Variants in LRP1 observed in about 807,000 individuals in gnomAD.
The protein encoded by LRP1 is prolow-density lipoprotein receptor-related protein 1.
LRP1 carries 51 observed loss-of-function variants against 541.5 expected under a neutral mutation model. That is an observed-to-expected ratio of 0.09 (90% CI 0.08 to 0.12). The LOEUF (loss-of-function observed/expected upper bound fraction) is 0.12. LRP1 is among the 10% of genes least tolerant of loss of function. The pLI is 1.00. For missense variants in LRP1, 3,878 were observed against 6,376.2 expected (o/e 0.61, Z 13.34); for synonymous variants, 2,219 against 2,470.8 (o/e 0.90, Z 3.02).
chr12:57,167,962 C>G (rs545836551), intron 19 of LRP1, among the ~76,000 whole-genome samples: 1 of 152,244 alleles, frequency 6.6e-6, no homozygotes, highest in Non-Finnish European at 1.5e-5. Flanking sequence ...TGATGTCAGC[C>G]TTGAGCCACC....
intron 1 of LRP1, among the ~76,000 whole-genome samples, chr12:57,134,765 C>T (rs773850977): frequency 6.6e-5 from 10 of 151,966 alleles, no homozygotes; most frequent in Non-Finnish European, 1.3e-4. Context: ...AGTGCAGTGG[C>T]GCGATCTCAG....
At chr12:57,157,027 G>C (rs1458553036) in intron 10 of LRP1, 107 bp downstream of exon 10, 36 of 1,359,294 alleles carry the variant, frequency 2.6e-5, no homozygotes, top group Non-Finnish European at 3.2e-5. Flanking sequence ...GGAGATGAAG[G>C]AAGTGTCCCA....
At position 57,183,489 on chromosome 12, in the gene LRP1, G is replaced by C. The variant is rs746110783; in HGVS notation, c.5773G>C (p.Val1925Leu). The change falls in exon 35 of 89, where the codon GTC becomes CTC. Residue 1925 changes from valine (V) to leucine (L), a missense_variant. Val to Leu is a conservative substitution (Grantham distance 32). This residue lies in a region of LRP1 where 394 missense variants were observed against 635.9 expected (regional missense o/e 0.62). Coordinates refer to ENST00000243077, the MANE Select transcript of LRP1 (RefSeq NM_002332.3). This position sits in a 1 kb window ranked among gnomAD's most constrained non-coding sequence, Gnocchi z 6.1. ...LVPVSGTSLA[V>L]GIDFHAENDT... ...CCCAGTGTCCGGGACCTCGCTGGCTGTCGGCATCGACTTCCACGCTGGTGA... is the reference window on the plus strand; with the variant it reads ...CCCAGTGTCCGGGACCTCGCTGGCTCTCGGCATCGACTTCCACGCTGGTGA... The C allele has an allele frequency of 6.2e-7, 1 of 1,613,948 alleles. No individual in the cohort carries two copies. Among genetic ancestry groups the C allele is most frequent in the Admixed American group, 1.7e-5 (1 of 60,018 alleles).
rs1565752686 is a variant in LRP1, at chr12:57,203,168, CT to C, written c.10712-12del. On this transcript the variant is annotated splice_polypyrimidine_tract_variant and intron_variant, in intron 68 of 88. Coordinates refer to ENST00000243077, the MANE Select transcript of LRP1 (RefSeq NM_002332.3). ...CCCACCCTCCTGGGCCTGTCTCCCC[CT>C]GTCCTTCCCAGCCCCTCGGCCCTGC... is the stretch of plus-strand genomic sequence containing the variant. 3.9e-6 allele frequency: 6 copies of C among 1,555,634 alleles called. No individual in the cohort carries two copies. In the Admixed American group the frequency reaches 7.5e-5, roughly 19 times the overall value.
chr12:57,198,818 C>G (rs2036589108), intron 60 of LRP1, 148 bp downstream of exon 60: 30 of 830,594 alleles, frequency 3.6e-5, no homozygotes, highest in Non-Finnish European at 5.7e-5. Flanking sequence ...GTGTGGGGTT[C>G]AGAGCACCCC....
Position 57,212,077 on chromosome 12 carries a change from C to G in LRP1, c.13350-40C>G, listed in dbSNP as rs779994729. 2.3e-5 allele frequency: 37 copies of G among 1,613,048 alleles called. No homozygotes were observed. The East Asian group carries it at 2.7e-4, about 12-fold the overall frequency. ...TATTTTGCCATCCTAGCCTTCCCCC[C>G]CAATAATCTCTGTCTCCTTATACTC... On this transcript the variant is annotated intron_variant, in intron 87 of 88. Coordinates refer to ENST00000243077, the MANE Select transcript of LRP1 (RefSeq NM_002332.3). The surrounding 1 kb of genome is among the most constrained non-coding windows in gnomAD (Gnocchi z 5.0).
At chr12:57,175,323 A>C in intron 22 of LRP1, 137 bp from the exon 23 acceptor site, 1 of 989,122 alleles carries the variant, frequency 1.0e-6, no homozygotes, top group Non-Finnish European at 1.5e-6. Flanking sequence ...CTCAGCAGGA[A>C]TGGAGACGAA....
At chr12:57,144,592 G>A (rs180949251) in intron 4 of LRP1, 2 of 224,804 alleles carry the variant, frequency 8.9e-6, no homozygotes, top group Admixed American at 4.9e-5. Flanking sequence ...CACCTCTAAT[G>A]TATACTTTAT....
Position 57,206,645 on chromosome 12 carries a change from G to C in LRP1, c.11763G>C (p.Thr3921=), listed in dbSNP as rs371631915. 1 of 1,614,012 alleles carries C rather than the reference G, an allele frequency of 6.2e-7. No homozygotes were observed. The highest frequency in any genetic ancestry group is 1.7e-5 in the Admixed American group (1 of 60,024). Residue 3921 remains threonine (T), a synonymous_variant, in exon 76 of 89, where the codon ACG becomes ACC. Coordinates refer to ENST00000243077, the MANE Select transcript of LRP1 (RefSeq NM_002332.3). The surrounding 1 kb of genome is among the most constrained non-coding windows in gnomAD (Gnocchi z 4.7). ...GTGTCTATTGGACCAACTGGCACACGGGCACCATCTCCTACCGCAGCCTGC... is the reference window on the plus strand; with the variant it reads ...GTGTCTATTGGACCAACTGGCACACCGGCACCATCTCCTACCGCAGCCTGC... ...AGRVYWTNWH[T]GTISYRSLPP...
Position 57,177,773 on chromosome 12 carries a change from G to A in LRP1, c.4361+182G>A, listed in dbSNP as rs370131198. Among the ~76,000 whole-genome samples the A allele has an allele frequency of 3.3e-5, 5 of 152,212 alleles. No individual in the cohort carries two copies. In the East Asian group the frequency reaches 5.8e-4, roughly 18 times the overall value. On this transcript the variant is annotated intron_variant, in intron 26 of 88. Transcript: ENST00000243077. This position sits in a 1 kb window ranked among gnomAD's most constrained non-coding sequence, Gnocchi z 6.8. ...GTGGGGAGGCCAGGGCCGAGGGGAG[G>A]GGGCAGGTAGAGGAGGCGGAAGCAG...
chr12:57,142,820 G>A (rs1459371253), intron 3 of LRP1, among the ~76,000 whole-genome samples: 1 of 152,178 alleles, frequency 6.6e-6, no homozygotes, highest in Non-Finnish European at 1.5e-5. Flanking sequence ...GTGGAAGTGG[G>A]GAGGAGAAAG....
At chr12:57,143,536 G>C (rs971789406) in intron 3 of LRP1, 143 bp from the exon 4 acceptor site, 5 of 968,634 alleles carry the variant, frequency 5.2e-6, no homozygotes, top group African/African-American at 1.6e-5. Flanking sequence ...TATGGTAGAT[G>C]CTTCCTAAGG....
In LRP1 at chr12:57,141,454, C is replaced by T; in HGVS notation, c.271C>T (p.Leu91Phe). 3 of 1,614,182 alleles carry T rather than the reference C, an allele frequency of 1.9e-6. No homozygotes were observed. The highest frequency in any genetic ancestry group is 1.7e-6 in the Non-Finnish European group (2 of 1,180,030). ...TGAGCTGTGTGTTCCCATGTCCCGC[C>T]TCTGCAATGGGGTCCAGGACTGCAT... Reference protein sequence around the residue: ...GTELCVPMSRLCNGVQDCMDG... With the variant: ...GTELCVPMSRFCNGVQDCMDG... The change falls in exon 3 of 89, where the codon CTC becomes TTC. Residue 91 changes from leucine to phenylalanine, a missense_variant. Physicochemically the swap from Leu to Phe is conservative, Grantham distance 22. Transcript: ENST00000243077.
rs1592614640 is a variant in LRP1, at chr12:57,154,455, C to T, written c.1005-24C>T. 6.2e-7 allele frequency: 1 copy of T among 1,610,680 alleles called. No homozygotes were observed. Among genetic ancestry groups the T allele is most frequent in the East Asian group, 2.2e-5 (1 of 44,784 alleles). On this transcript the variant is annotated intron_variant, in intron 7 of 88. Transcript: ENST00000243077. This position sits in a 1 kb window ranked among gnomAD's most constrained non-coding sequence, Gnocchi z 4.6. ...AGGAGGGTGCCCAATGTCCAGACCC[C>T]ATTTAACATGCATCTTCCCACAGGA...
intron 41 of LRP1, 88 bp from the exon 42 acceptor site, chr12:57,187,179 A>C: frequency 1.5e-6 from 2 of 1,366,110 alleles, no homozygotes; most frequent in Admixed American, 2.2e-5. Context: ...CAGCCAGGAG[A>C]GCACCTGCCC....
chr12:57,201,873 G>C lies in LRP1; in HGVS notation c.10562G>C (p.Gly3521Ala). 1 of 1,614,092 alleles carries C rather than the reference G, an allele frequency of 6.2e-7. No individual in the cohort carries two copies. The change falls in exon 67 of 89, where the codon GGG becomes GCG. Residue 3521 changes from glycine (G) to alanine (A), a missense_variant. Gly to Ala is a moderately conservative substitution (Grantham distance 60, BLOSUM62 0). Around this residue, in one of 13 missense-constraint regions of LRP1, gnomAD observed 278 missense variants for 536.3 expected, o/e 0.52. Coordinates refer to ENST00000243077, the MANE Select transcript of LRP1 (RefSeq NM_002332.3). The surrounding 1 kb of genome is among the most constrained non-coding windows in gnomAD (Gnocchi z 6.4). ...RWKCDGEDDC[G>A]DGSDEPKEEC... ...AAGTGTGACGGAGAGGATGACTGTG[G>C]GGATGGCTCGGATGAGCCCAAGGAA...
Position 57,197,671 on chromosome 12 carries a change from C to G in LRP1, c.9282+7C>G. On this transcript the variant is annotated splice_region_variant and intron_variant, in intron 58 of 88. Coordinates refer to ENST00000243077, the MANE Select transcript of LRP1 (RefSeq NM_002332.3). The surrounding 1 kb of genome is among the most constrained non-coding windows in gnomAD (Gnocchi z 4.5). Reference sequence around the variant, plus strand: ...TAACGGGAGCAATGTGCAGGTGAGGCGGGCGGCCCTCGGCGACCAACACTG... The same window carrying G: ...TAACGGGAGCAATGTGCAGGTGAGGGGGGCGGCCCTCGGCGACCAACACTG... 1 of 1,612,354 alleles carries G rather than the reference C, an allele frequency of 6.2e-7. No individual in the cohort carries two copies. Among genetic ancestry groups the G allele is most frequent in the Non-Finnish European group, 8.5e-7 (1 of 1,179,400 alleles).
intron 6 of LRP1, chr12:57,148,920 C>A: frequency 1.8e-6 from 1 of 562,992 alleles, no homozygotes; most frequent in Non-Finnish European, 3.2e-6. Context: ...GGTCCCAGGT[C>A]CAGCTGGCCA....
In LRP1 at chr12:57,201,103, G is replaced by C; in HGVS notation, c.10295G>C (p.Arg3432Pro). ...NTNRCIPGIF[R>P]CNGQDNCGDG... The stretch of plus-strand genomic sequence containing the variant: ...AACCGCTGTATTCCCGGCATCTTCC[G>C]CTGCAATGGGCAGGACAACTGCGGA... The change falls in exon 65 of 89, where the codon CGC becomes CCC. Residue 3432 changes from arginine (R) to proline (P), a missense_variant. Arg to Pro is a moderately radical substitution (Grantham distance 103, BLOSUM62 -2). Transcript: ENST00000243077. This position sits in a 1 kb window ranked among gnomAD's most constrained non-coding sequence, Gnocchi z 6.4. The C allele has an allele frequency of 1.9e-6, 3 of 1,614,044 alleles. No homozygotes were observed. Among genetic ancestry groups the C allele is most frequent in the Non-Finnish European group, 2.5e-6 (3 of 1,180,012 alleles).
Sources: allele counts gnomAD v4.1 joint callset (sites outside exome capture counted in the v4.1 genomes callset), GRCh38; gene constraint gnomAD v4.1.1; regional missense constraint gnomAD v4.1.1; non-coding constraint Gnocchi (gnomAD v3.1); transcripts MANE v1.5; gene names NCBI Gene and HGNC (gene_info 2026-07-23, HGNC 2026-07-21).